The following FAM171B variants were observed in gnomAD, a reference collection of about 807,000 sequenced individuals.
The protein encoded by FAM171B is protein FAM171B.
In FAM171B, 19 loss-of-function variants were observed where a neutral mutation model predicts 75.6. The ratio of observed to expected loss-of-function variants is 0.25; its 90% confidence interval spans 0.18 to 0.37. FAM171B has a LOEUF of 0.37. Among genes scored for constraint, FAM171B ranks in the 10% least tolerant of loss-of-function variants. The probability of loss-of-function intolerance (pLI) is 1.00; values close to 1 mark genes in which losing one functional copy is unlikely to be tolerated. For missense variants in FAM171B, 848 were observed against 982.4 expected, an observed-to-expected ratio of 0.86 and a Z score of 1.83; for synonymous variants, 367 against 361.7, an observed-to-expected ratio of 1.01 and a Z score of -0.17.
chr2:186,705,681 G>C (rs1356356484), intron 1 of FAM171B, among the ~76,000 whole-genome samples: 2 of 152,100 alleles, frequency 1.3e-5, no homozygotes, highest in East Asian at 3.9e-4. Flanking sequence ...TTCTTAACCT[G>C]TGAAGGTTTT....
At position 186,704,374 on chromosome 2, in the gene FAM171B, C is replaced by A. The variant is rs143012615; in HGVS notation, c.238+9963C>A. ...AGAAGTATTCCCTTCCCGGGTTATA[C>A]TAATATCTATGCTTTATAATAAACT... On this transcript the variant is annotated intron_variant, in intron 1 of 7. Coordinates refer to ENST00000304698, the MANE Select transcript of FAM171B (RefSeq NM_177454.4). Among the ~76,000 whole-genome samples the A allele has an allele frequency of 1.4e-3, 209 of 152,174 alleles. 1 individual carries two copies. The highest frequency in any genetic ancestry group is 4.7e-3 in the African/African-American group (196 of 41,524).
chr2:186,737,374 G>T (rs1300467199), intron 1 of FAM171B, among the ~76,000 whole-genome samples: 1 of 151,992 alleles, frequency 6.6e-6, no homozygotes, highest in Non-Finnish European at 1.5e-5. Context: ...TCTTTTTTTA[G>T]GAGACAGGGT....
In FAM171B at chr2:186,694,167, C is replaced by A; in HGVS notation, c.-7C>A. The stretch of plus-strand genomic sequence containing the variant: ...AATATGCCGCCGCGGCCCTCTGGCT[C>A]TAGGCCATGGCGAGGCTCTGCCGGC... On this transcript the variant is annotated 5_prime_UTR_variant, in exon 1 of 8. Coordinates refer to ENST00000304698, the MANE Select transcript of FAM171B (RefSeq NM_177454.4). The A allele has an allele frequency of 6.3e-7, 1 of 1,590,034 alleles. No individual in the cohort carries two copies. Among genetic ancestry groups the A allele is most frequent in the Non-Finnish European group, 8.5e-7 (1 of 1,174,136 alleles).
At chr2:186,731,406 G>C (rs1410320202) in intron 1 of FAM171B, among the ~76,000 whole-genome samples, 2 of 152,164 alleles carry the variant, frequency 1.3e-5, no homozygotes, top group Non-Finnish European at 2.9e-5. Context: ...TTCAGTTCCA[G>C]CAACCATTAG....
intron 6 of FAM171B, among the ~76,000 whole-genome samples, chr2:186,759,042 A>T (rs1326518388): frequency 6.6e-6 from 1 of 152,116 alleles, no homozygotes; most frequent in Non-Finnish European, 1.5e-5. Flanking sequence ...GAATGAGAAC[A>T]TGCAAAGTCT....
chr2:186,707,386 C>G (rs1241760058), intron 1 of FAM171B, among the ~76,000 whole-genome samples: 1 of 152,136 alleles, frequency 6.6e-6, no homozygotes, highest in East Asian at 1.9e-4. Flanking sequence ...TCTTTACTGC[C>G]TCTGCTCTGG....
chr2:186,733,188 AATAAAATGG>A (rs1690145340), intron 1 of FAM171B, among the ~76,000 whole-genome samples: 1 of 152,198 alleles, frequency 6.6e-6, no homozygotes, highest in Admixed American at 6.5e-5. Flanking sequence ...TTTTGAAATC[AATAAAATGG>A]ATTTGATGTT....
intron 5 of FAM171B, 68 bp from the exon 6 acceptor site, chr2:186,753,865 G>A: frequency 1.7e-6 from 2 of 1,177,654 alleles, no homozygotes; most frequent in Admixed American, 1.8e-5. Context: ...GTCCCATAAT[G>A]TATTCTGTGC....
At chr2:186,715,965 C>T (rs1290501121) in intron 1 of FAM171B, among the ~76,000 whole-genome samples, 2 of 152,124 alleles carry the variant, frequency 1.3e-5, no homozygotes, top group African/African-American at 4.8e-5. Context: ...TGAGATTAAT[C>T]AAATATTAGC....
intron 1 of FAM171B, among the ~76,000 whole-genome samples, chr2:186,734,614 G>A (rs765116048): frequency 9.9e-5 from 15 of 152,274 alleles, no homozygotes; most frequent in East Asian, 3.9e-4. Flanking sequence ...TCAGATGGGC[G>A]GAAGTACATG....
Position 186,694,159 on chromosome 2 carries a change from C to T in FAM171B, c.-15C>T, listed in dbSNP as rs1285689152. On this transcript the variant is annotated 5_prime_UTR_variant, in exon 1 of 8. Transcript: ENST00000304698. The stretch of plus-strand genomic sequence containing the variant: ...AGCCCCGCAATATGCCGCCGCGGCC[C>T]TCTGGCTCTAGGCCATGGCGAGGCT... The T allele has an allele frequency of 1.3e-6, 2 of 1,558,926 alleles. No homozygotes were observed. Among genetic ancestry groups the T allele is most frequent in the Non-Finnish European group, 1.7e-6 (2 of 1,157,370 alleles).
Position 186,757,821 on chromosome 2 carries a change from C to A in FAM171B, c.1013-3292C>A, listed in dbSNP as rs796307080. ...GGGGCAAACTCAATATGTCAACATC[C>A]TGTTTCCAAATGTGAGTTTTGTTGG... On this transcript the variant is annotated intron_variant, in intron 6 of 7. Coordinates refer to ENST00000304698, the MANE Select transcript of FAM171B (RefSeq NM_177454.4). Among the ~76,000 whole-genome samples the A allele has an allele frequency of 4.6e-5, 7 of 152,256 alleles. 1 individual carries two copies. The highest frequency in any genetic ancestry group is 1.7e-4 in the African/African-American group (7 of 41,562).
intron 6 of FAM171B, among the ~76,000 whole-genome samples, chr2:186,754,718 A>T (rs1690506891): frequency 6.6e-6 from 1 of 152,180 alleles, no homozygotes; most frequent in Non-Finnish European, 1.5e-5. Context: ...AAGACTGAGG[A>T]TGTATTAAAT....
At chr2:186,742,683 G>A (rs992162739) in intron 2 of FAM171B, among the ~76,000 whole-genome samples, 4 of 152,114 alleles carry the variant, frequency 2.6e-5, no homozygotes, top group Admixed American at 6.6e-5. Flanking sequence ...GATATCAAAC[G>A]AGAACTCGTG....
Position 186,765,597 on chromosome 2 carries a change from T to A in FAM171B, c.*2774T>A, listed in dbSNP as rs1281172480. ...CAGACCACTATGTGTTTGAATCCTC[T>A]GGTATCAATACGTATTATAGGGTTT... On this transcript the variant is annotated 3_prime_UTR_variant, in exon 8 of 8. Coordinates refer to ENST00000304698, the MANE Select transcript of FAM171B (RefSeq NM_177454.4). 6.6e-6 allele frequency: 1 copy of A among 152,064 alleles called. No homozygotes were observed. The highest frequency in any genetic ancestry group is 2.4e-5 in the African/African-American group (1 of 41,444). 9.4% of individuals were successfully genotyped at this position (152,064 alleles called of 1,614,324 possible).
chr2:186,733,768 G>A (rs1690157990), intron 1 of FAM171B, among the ~76,000 whole-genome samples: 1 of 152,206 alleles, frequency 6.6e-6, no homozygotes. Flanking sequence ...CTGCAAGGCT[G>A]TGGCTGGAAC....
In FAM171B at chr2:186,764,176, T is replaced by TG. The variant is rs1341702020; in HGVS notation, c.*1358dup. 6.6e-6 allele frequency: 1 copy of TG among 152,058 alleles called. No homozygotes were observed. Among genetic ancestry groups the TG allele is most frequent in the African/African-American group, 2.4e-5 (1 of 41,434 alleles). The allele number at this position is 152,058 out of a possible 1,614,324, so 9.4% of individuals were successfully genotyped here. A position where few individuals can be genotyped will look rare whatever the true frequency, so the allele number is the denominator to read the frequency against. ...AAATGTCTGAAGCACCTTTCCCTTG[T>TG]GGGGGTAAAAATCCTAAATTGCTTT... On this transcript the variant is annotated 3_prime_UTR_variant, in exon 8 of 8. Transcript: ENST00000304698.
intron 1 of FAM171B, among the ~76,000 whole-genome samples, chr2:186,705,706 G>A (rs1689724538): frequency 6.6e-6 from 1 of 152,074 alleles, no homozygotes; most frequent in Non-Finnish European, 1.5e-5. Flanking sequence ...TGTTGTTATT[G>A]TGCAGATATG....
chr2:186,761,627 A>G lies in FAM171B; in HGVS notation c.1285A>G (p.Asn429Asp). Reference sequence around the variant, plus strand: ...AGCTGAGGACAAGTCGCAGTTATTCAATGCCAAAAACTCCTCATATAGTCC... The same window carrying G: ...AGCTGAGGACAAGTCGCAGTTATTCGATGCCAAAAACTCCTCATATAGTCC... ...LKAEDKSQLFNAKNSSYSPQK... is the reference protein window; with the variant it reads ...LKAEDKSQLFDAKNSSYSPQK... Residue 429 changes from asparagine (N) to aspartate (D), a missense_variant, in exon 8 of 8, where the codon AAT (asparagine) becomes GAT (aspartate). Around this residue, in one of 3 missense-constraint regions of FAM171B, gnomAD observed 665 missense variants for 729.0 expected, o/e 0.91. Coordinates refer to ENST00000304698, the MANE Select transcript of FAM171B (RefSeq NM_177454.4). 6.2e-7 allele frequency: 1 copy of G among 1,613,350 alleles called. No homozygotes were observed. Among genetic ancestry groups the G allele is most frequent in the Non-Finnish European group, 8.5e-7 (1 of 1,179,632 alleles).
Sources: gnomAD v4.1 joint callset for allele counts (sites outside exome capture counted in the v4.1 genomes callset) on GRCh38, gnomAD v4.1.1 for gene constraint, gnomAD v4.1.1 regional missense constraint, MANE v1.5 for transcripts, NCBI Gene and HGNC (gene_info 2026-07-23, HGNC 2026-07-21) for gene names.